BLTP1: variants seen among roughly 807,000 people sequenced by gnomAD.
The protein encoded by BLTP1 is bridge-like lipid transfer protein family member 1, also known as fragile site-associated protein.
the BLTP1 span, chr4:122,229,147 AACTTCAGATG>A: frequency 6.2e-7 from 1 of 1,607,136 alleles, no homozygotes; most frequent in Non-Finnish European, 8.5e-7. Flanking sequence ...GGCCTTGTCC[AACTTCAGATG>A]ATTTGAAATA....
the BLTP1 span, among the ~76,000 whole-genome samples, chr4:122,283,073 T>C: frequency 1.3e-5 from 2 of 152,282 alleles, no homozygotes; most frequent in African/African-American, 4.8e-5. Flanking sequence ...TTTACCATTA[T>C]TTTTCCTGTA....
chr4:122,173,211 C>A, the BLTP1 span: 1 of 1,561,532 alleles, frequency 6.4e-7, no homozygotes, highest in Non-Finnish European at 8.7e-7. Flanking sequence ...TGTTGTCTTA[C>A]CATTTTTTGT....
the BLTP1 span, chr4:122,200,259 G>A: frequency 1.0e-6 from 1 of 985,166 alleles, no homozygotes; most frequent in Non-Finnish European, 1.2e-6. Context: ...GCTCTTCCTA[G>A]GTAGGCAGCT....
the BLTP1 span, chr4:122,262,043 T>TA: frequency 4.1e-6 from 4 of 978,562 alleles, no homozygotes; most frequent in African/African-American, 1.8e-5. Flanking sequence ...CTGACTCCCG[T>TA]AAAAAAATGC....
chr4:122,307,989 C>G, the BLTP1 span: 2 of 1,613,284 alleles, frequency 1.2e-6, no homozygotes, highest in Non-Finnish European at 1.7e-6. Context: ...CCTATGACAA[C>G]TGGAATGAAC....
chr4:122,360,913 C>G, the BLTP1 span, among the ~76,000 whole-genome samples: 2 of 152,074 alleles, frequency 1.3e-5, no homozygotes, highest in African/African-American at 4.8e-5. Flanking sequence ...TCAAGAGTAT[C>G]TAGTTAAGTA....
the BLTP1 span, chr4:122,334,631 A>G: frequency 7.5e-7 from 1 of 1,333,980 alleles, no homozygotes; most frequent in Non-Finnish European, 1.0e-6. Flanking sequence ...TTTCCAATGC[A>G]CATGTTTAAG....
At chr4:122,247,627 G>A in the BLTP1 span, 1 of 1,211,956 alleles carries the variant, frequency 8.3e-7, no homozygotes, top group African/African-American at 1.5e-5. Context: ...TTTCCCATGT[G>A]TTTTTTCCAT....
the BLTP1 span, among the ~76,000 whole-genome samples, chr4:122,354,565 A>T: frequency 3.3e-5 from 5 of 151,376 alleles, no homozygotes; most frequent in African/African-American, 1.2e-4. Context: ...ATTTGGGTTT[A>T]TAGTATTGCT....
chr4:122,319,178 G>A, the BLTP1 span, among the ~76,000 whole-genome samples: 2 of 151,248 alleles, frequency 1.3e-5, no homozygotes, highest in Non-Finnish European at 3.0e-5. Context: ...AACCAGCTTT[G>A]GTTTTGTTGA....
At chr4:122,337,099 A>G in the BLTP1 span, 1 of 1,336,104 alleles carries the variant, frequency 7.5e-7, no homozygotes, top group Non-Finnish European at 1.1e-6. Flanking sequence ...CAACATTATT[A>G]CTGTTTAAAA....
the BLTP1 span, chr4:122,308,261 G>A: frequency 1.6e-6 from 2 of 1,258,118 alleles, no homozygotes; most frequent in Non-Finnish European, 2.2e-6. Flanking sequence ...CAGTGTAACA[G>A]TTTATAACTG....
At chr4:122,224,535 A>T in the BLTP1 span, 2 of 1,613,844 alleles carry the variant, frequency 1.2e-6, no homozygotes, top group Non-Finnish European at 1.7e-6. Context: ...AGGGAAGGTC[A>T]CATCAATTTG....
At chr4:122,175,128 C>G in the BLTP1 span, 2 of 982,178 alleles carry the variant, frequency 2.0e-6, no homozygotes, top group South Asian at 9.4e-5. Context: ...TTCTGTAAGT[C>G]TTGAAAGAAA....
chr4:122,183,117 C>A, the BLTP1 span: 2 of 707,164 alleles, frequency 2.8e-6, no homozygotes, highest in Middle Eastern at 7.1e-4. Flanking sequence ...GGGAGGATTG[C>A]TTGAGCCCAG....
chr4:122,243,349 T>C, the BLTP1 span: 7 of 911,158 alleles, frequency 7.7e-6, no homozygotes, highest in African/African-American at 5.4e-5. Context: ...CAGGTAAATA[T>C]ATTAAAATTT....
the BLTP1 span, chr4:122,361,902 A>G: frequency 9.7e-7 from 1 of 1,027,284 alleles, no homozygotes; most frequent in Non-Finnish European, 1.4e-6. Context: ...GCTCATTTAT[A>G]CAAATGTACC....
chr4:122,191,763 T>G, the BLTP1 span, among the ~76,000 whole-genome samples: 2 of 152,160 alleles, frequency 1.3e-5, no homozygotes, highest in African/African-American at 4.8e-5. Flanking sequence ...TACATATCTT[T>G]ACGAGGCCAG....
chr4:122,172,408 T>C, the BLTP1 span: 5 of 538,258 alleles, frequency 9.3e-6, no homozygotes, highest in African/African-American at 2.0e-5. Flanking sequence ...ATATGAATTT[T>C]ATAAGTAACC....
Sources: gnomAD v4.1 joint callset for allele counts (sites outside exome capture counted in the v4.1 genomes callset) on GRCh38, gnomAD v4.1.1 for gene constraint, MANE v1.5 for transcripts, NCBI Gene and HGNC (gene_info 2026-07-23, HGNC 2026-07-21) for gene names.